Variants in ARHGEF4 observed in about 807,000 individuals in gnomAD.
ARHGEF4 encodes APC-stimulated guanine nucleotide exchange factor 1.
In ARHGEF4, 119 loss-of-function variants were observed where a neutral mutation model predicts 162.0. The observed-to-expected ratio is 0.73, with a 90% CI of 0.63 to 0.86. ARHGEF4 has a LOEUF of 0.86. Among genes scored for constraint, ARHGEF4 ranks in the 40% least tolerant of loss-of-function variants. The pLI, the probability that ARHGEF4 is intolerant of heterozygous loss-of-function variation, is 0.00. For synonymous variants in ARHGEF4, 1,014 were observed against 979.9 expected, an observed-to-expected ratio of 1.03 and a Z score of -0.65; for missense variants, 2,488 against 2,456.0, an observed-to-expected ratio of 1.01 and a Z score of -0.28.
At chr2:131,039,754 G>C in intron 6 of ARHGEF4, 1 of 1,367,522 alleles carries the variant, frequency 7.3e-7, no homozygotes, top group Non-Finnish European at 9.4e-7. Flanking sequence ...CAGCCTCTGT[G>C]CCGGGCACAA....
chr2:130,998,141 T>G (rs547610854), intron 4 of ARHGEF4, among the ~76,000 whole-genome samples: 22 of 152,336 alleles, frequency 1.4e-4, no homozygotes, highest in African/African-American at 4.1e-4. Context: ...ACAAGTCTTT[T>G]TCACATAGTG....
chr2:130,972,311 T>G (rs1685420136), intron 4 of ARHGEF4, among the ~76,000 whole-genome samples: 1 of 152,198 alleles, frequency 6.6e-6, no homozygotes, highest in Admixed American at 6.5e-5. Context: ...ACTAAAGGCC[T>G]ACTAATGAGT....
In ARHGEF4 at chr2:130,914,094, C is replaced by G; in HGVS notation, c.148C>G (p.Arg50Gly). Residue 50 changes from arginine (R) to glycine (G), a missense_variant, in exon 2 of 14, where the codon CGC (arginine) becomes GGC (glycine). Physicochemically the swap from Arg to Gly is moderately radical, Grantham distance 125. This residue lies in a region of ARHGEF4 where 171 missense variants were observed against 169.4 expected (regional missense o/e 1.01). Coordinates refer to ENST00000409359, the MANE Select transcript of ARHGEF4 (RefSeq NM_001367493.1). ...VEQGWNQQTD[R>G]DDSETLSQQS... Reference sequence around the variant, plus strand: ...GCAGGGATGGAACCAGCAAACAGACCGCGATGATTCTGAAACGCTGTCCCA... The same window carrying G: ...GCAGGGATGGAACCAGCAAACAGACGGCGATGATTCTGAAACGCTGTCCCA... The G allele has an allele frequency of 3.3e-6, 5 of 1,536,086 alleles. No individual in the cohort carries two copies. The highest frequency in any genetic ancestry group is 4.4e-6 in the Non-Finnish European group (5 of 1,146,912).
chr2:130,961,881 A>C (rs1684642358), intron 4 of ARHGEF4, among the ~76,000 whole-genome samples: 1 of 151,986 alleles, frequency 6.6e-6, no homozygotes, highest in African/African-American at 2.4e-5. Context: ...ACAGATGGTG[A>C]CCCCATGCAG....
chr2:130,843,481 C>T (rs1180991142), intron 1 of ARHGEF4, among the ~76,000 whole-genome samples: 1 of 152,198 alleles, frequency 6.6e-6, no homozygotes, highest in African/African-American at 2.4e-5. Context: ...CTCCCCTGGG[C>T]TGTGCCTCCT....
chr2:130,917,196 G>A lies in ARHGEF4; in HGVS notation c.3250G>A (p.Gly1084Arg). ...SACCLAYENP[G>R]TPCRPTSPKP... ...CTGCTGCCTGGCATATGAAAACCCC[G>A]GGACGCCCTGCAGACCCACGAGCCC... Residue 1084 changes from glycine (G) to arginine (R), a missense_variant, in exon 2 of 14, where the codon GGG (glycine) becomes AGG (arginine). Transcript: ENST00000409359. The A allele has an allele frequency of 6.4e-7, 1 of 1,550,400 alleles. No homozygotes were observed. Among genetic ancestry groups the A allele is most frequent in the Non-Finnish European group, 8.7e-7 (1 of 1,146,958 alleles).
intron 4 of ARHGEF4, among the ~76,000 whole-genome samples, chr2:131,020,690 C>A (rs1215275457): frequency 5.3e-5 from 8 of 152,122 alleles, no homozygotes; most frequent in Admixed American, 5.2e-4. Context: ...GTTTTATAAT[C>A]CTTTGAGTAT....
At chr2:130,912,300 TC>T (rs1681236207) in intron 1 of ARHGEF4, among the ~76,000 whole-genome samples, 1 of 152,256 alleles carries the variant, frequency 6.6e-6, no homozygotes, top group Non-Finnish European at 1.5e-5. Context: ...CGGAGACAGT[TC>T]CTGCAGCAGA....
At chr2:130,967,705 C>T (rs1685091163) in intron 4 of ARHGEF4, among the ~76,000 whole-genome samples, 1 of 152,218 alleles carries the variant, frequency 6.6e-6, no homozygotes, top group African/African-American at 2.4e-5. Flanking sequence ...TTAAAGAAAT[C>T]ACAGCACAGG....
intron 5 of ARHGEF4, among the ~76,000 whole-genome samples, chr2:131,038,121 T>C (rs901551116): frequency 6.6e-6 from 1 of 152,150 alleles, no homozygotes; most frequent in African/African-American, 2.4e-5. Flanking sequence ...ATCACTCCAA[T>C]GGCAGGGCAC....
At chr2:130,883,791 C>T (rs1389240860) in intron 1 of ARHGEF4, among the ~76,000 whole-genome samples, 1 of 152,132 alleles carries the variant, frequency 6.6e-6, no homozygotes, top group Non-Finnish European at 1.5e-5. Context: ...AGTGTCCTGC[C>T]TCCTGGTGTC....
At chr2:130,889,242 T>C (rs1679712643) in intron 1 of ARHGEF4, among the ~76,000 whole-genome samples, 1 of 152,154 alleles carries the variant, frequency 6.6e-6, no homozygotes, top group South Asian at 2.1e-4. Flanking sequence ...GGTAATATAA[T>C]GATCTCAGAA....
At chr2:130,873,732 G>A (rs747350934) in intron 1 of ARHGEF4, among the ~76,000 whole-genome samples, 2 of 152,090 alleles carry the variant, frequency 1.3e-5, no homozygotes, top group Non-Finnish European at 2.9e-5. Flanking sequence ...AAGCCAGATC[G>A]AGTGATCCTG....
intron 5 of ARHGEF4, among the ~76,000 whole-genome samples, chr2:131,030,194 C>T (rs1445358040): frequency 6.6e-6 from 1 of 152,152 alleles, no homozygotes; most frequent in African/African-American, 2.4e-5. Flanking sequence ...TGTCTCCTAC[C>T]TGAGGATAAA....
At chr2:130,847,768 G>C (rs1372627280) in intron 1 of ARHGEF4, among the ~76,000 whole-genome samples, 1 of 152,236 alleles carries the variant, frequency 6.6e-6, no homozygotes, top group Non-Finnish European at 1.5e-5. Context: ...AACAGTGCTG[G>C]CTTAGAGAAG....
chr2:130,850,171 C>A (rs1168821151), intron 1 of ARHGEF4, among the ~76,000 whole-genome samples: 1 of 152,174 alleles, frequency 6.6e-6, no homozygotes. Flanking sequence ...GAGGGACTCA[C>A]AGGAGCAGTT....
In ARHGEF4 at chr2:130,914,944, C is replaced by T. The variant is rs1433626972; in HGVS notation, c.998C>T (p.Ala333Val). ...AGACTCAACTGTGGGCACATGAGGG[C>T]ACTGGTCAGGGCCCATTCCATAGCA... Reference protein sequence around the residue: ...SPRLNCGHMRALVRAHSIAGF... With the variant: ...SPRLNCGHMRVLVRAHSIAGF... Residue 333 changes from alanine to valine, a missense_variant, in exon 2 of 14, where the codon GCA (alanine) becomes GTA (valine). Ala to Val is a moderately conservative substitution (Grantham distance 64). Around this residue, in one of 6 missense-constraint regions of ARHGEF4, gnomAD observed 1,642 missense variants for 1,481.5 expected, o/e 1.11. Transcript: ENST00000409359. 12 of 1,546,044 alleles carry T rather than the reference C, an allele frequency of 7.8e-6. No homozygotes were observed. The highest frequency in any genetic ancestry group is 1.7e-4 in the Middle Eastern group (1 of 5,988).
rs531609526 is a variant in ARHGEF4, at chr2:131,015,965, T to G, written c.3986-11980T>G. On this transcript the variant is annotated intron_variant, in intron 4 of 13. Transcript: ENST00000409359. The stretch of plus-strand genomic sequence containing the variant: ...CGCAGCGCAGAGCCACTGGGGAGCC[T>G]GCACCTGCCGTTTTGCCCGGGCAGG... Among the ~76,000 whole-genome samples the G allele has an allele frequency of 5.2e-4, 79 of 152,334 alleles. 3 individuals carry two copies. The South Asian group carries it at 0.016, about 30-fold the overall frequency.
chr2:130,977,323 T>G (rs1472925774), intron 4 of ARHGEF4, among the ~76,000 whole-genome samples: 2 of 151,818 alleles, frequency 1.3e-5, no homozygotes, highest in African/African-American at 4.8e-5. Flanking sequence ...TGTTTGTAGT[T>G]GGTGCGTTAA....
Sources: allele counts gnomAD v4.1 joint callset (sites outside exome capture counted in the v4.1 genomes callset), GRCh38; gene constraint gnomAD v4.1.1; regional missense constraint gnomAD v4.1.1; transcripts MANE v1.5; gene names NCBI Gene and HGNC (gene_info 2026-07-23, HGNC 2026-07-21).